The following UBE2E1 variants were observed in gnomAD, a reference collection of about 807,000 sequenced individuals.
UBE2E1 encodes the protein ubiquitin-conjugating enzyme E2 E1.
UBE2E1 carries 6 observed loss-of-function variants against 21.4 expected under a neutral mutation model. That is an observed-to-expected ratio of 0.28 (90% CI 0.15 to 0.55). The LOEUF (loss-of-function observed/expected upper bound fraction) is 0.55, where lower values mean the gene tolerates loss of function less well. Ranked by LOEUF, UBE2E1 falls within the 20% of genes least tolerant of loss-of-function variation. The probability of loss-of-function intolerance (pLI) is 0.93; values close to 1 mark genes in which losing one functional copy is unlikely to be tolerated. For missense variants in UBE2E1, 142 were observed against 236.5 expected (o/e 0.60, Z 2.62); for synonymous variants, 87 against 82.7 (o/e 1.05, Z -0.28).
intron 3 of UBE2E1, among the ~76,000 whole-genome samples, chr3:23,844,170 C>G (rs1700148275): frequency 6.6e-6 from 1 of 152,142 alleles, no homozygotes; most frequent in Non-Finnish European, 1.5e-5. Flanking sequence ...CTCCCCTTCC[C>G]CCAGTAAAGG....
intron 3 of UBE2E1, among the ~76,000 whole-genome samples, chr3:23,864,807 C>T (rs1450709868): frequency 6.6e-6 from 1 of 152,134 alleles, no homozygotes; most frequent in African/African-American, 2.4e-5. Context: ...GCTCATATTC[C>T]CCAGAAGAGA....
chr3:23,888,708 C>CT (rs1225348035), intron 4 of UBE2E1, among the ~76,000 whole-genome samples: 16 of 152,168 alleles, frequency 1.1e-4, no homozygotes, highest in African/African-American at 3.9e-4. Flanking sequence ...GTTTAATTAT[C>CT]TTTATGTACC....
At position 23,810,626 on chromosome 3, in the gene UBE2E1, G is replaced by GT; in HGVS notation, c.153-833dup. 1.7e-6 allele frequency: 2 copies of GT among 1,178,920 alleles called. No homozygotes were observed. The highest frequency in any genetic ancestry group is 2.3e-6 in the Non-Finnish European group (2 of 869,578). The allele number at this position is 1,178,920 out of a possible 1,614,324, so 73.0% of individuals were successfully genotyped here. Reference sequence around the variant, plus strand: ...GCGGGCCGGCCACTTGGGGTCTGTGGTGCCCGAGTGGCGGGCGGGGGTGTT... The same window carrying GT: ...GCGGGCCGGCCACTTGGGGTCTGTGGTTGCCCGAGTGGCGGGCGGGGGTGTT... On this transcript the variant is annotated intron_variant, in intron 2 of 5. Transcript: ENST00000306627. This position sits in a 1 kb window ranked among gnomAD's most constrained non-coding sequence, Gnocchi z 5.8.
Position 23,870,169 on chromosome 3 carries a change from C to T in UBE2E1, c.204-17398C>T, listed in dbSNP as rs1208236244. Among the ~76,000 whole-genome samples, 6 of 152,098 alleles carry T rather than the reference C, an allele frequency of 3.9e-5. No individual in the cohort carries two copies. The highest frequency in any genetic ancestry group is 2.6e-4 in the Admixed American group (4 of 15,270). ...TCATTCTTGATGTGGTCTCTTCACA[C>T]GGTCTCTGCAGTACTAGGCTTCTTA... On this transcript the variant is annotated intron_variant, in intron 3 of 5. Coordinates refer to ENST00000306627, the MANE Select transcript of UBE2E1 (RefSeq NM_003341.5). This position sits in a 1 kb window ranked among gnomAD's most constrained non-coding sequence, Gnocchi z 4.2.
At chr3:23,828,793 A>G (rs960108805) in intron 3 of UBE2E1, among the ~76,000 whole-genome samples, 6 of 152,242 alleles carry the variant, frequency 3.9e-5, no homozygotes, top group African/African-American at 1.4e-4. Flanking sequence ...AATTTTTATC[A>G]TAGTTCAATT....
At chr3:23,883,625 T>C (rs1012020870) in intron 3 of UBE2E1, among the ~76,000 whole-genome samples, 2 of 152,168 alleles carry the variant, frequency 1.3e-5, no homozygotes, top group Admixed American at 6.6e-5. Context: ...TATCTAAAAC[T>C]TGATATTCAG....
chr3:23,839,335 G>A (rs1700036467), intron 3 of UBE2E1, among the ~76,000 whole-genome samples: 1 of 151,898 alleles, frequency 6.6e-6, no homozygotes. Context: ...ATGGTGACAT[G>A]CGCATGTAGT....
At chr3:23,830,257 A>G (rs761801058) in intron 3 of UBE2E1, among the ~76,000 whole-genome samples, 22 of 152,210 alleles carry the variant, frequency 1.4e-4, no homozygotes, top group Admixed American at 4.6e-4. Context: ...AAGAGCATGG[A>G]GTGGATAGAG....
At chr3:23,834,272 C>G (rs1435704318) in intron 3 of UBE2E1, among the ~76,000 whole-genome samples, 3 of 152,180 alleles carry the variant, frequency 2.0e-5, no homozygotes, top group Admixed American at 6.5e-5. Flanking sequence ...TTGGGCAGAT[C>G]ATTTAACCTC....
At chr3:23,851,149 A>G (rs1305391971) in intron 3 of UBE2E1, among the ~76,000 whole-genome samples, 2 of 152,176 alleles carry the variant, frequency 1.3e-5, no homozygotes, top group Non-Finnish European at 2.9e-5. Flanking sequence ...AAAAAAGACT[A>G]TTCTGTCTCC....
At chr3:23,875,581 A>T (rs1270672063) in intron 3 of UBE2E1, among the ~76,000 whole-genome samples, 4 of 152,214 alleles carry the variant, frequency 2.6e-5, no homozygotes, top group Admixed American at 2.6e-4. Flanking sequence ...TGCTAGAGGA[A>T]GACAGTAGGC....
chr3:23,810,749 T>TC lies in UBE2E1; in HGVS notation c.153-707dup. On this transcript the variant is annotated intron_variant, in intron 2 of 5. Coordinates refer to ENST00000306627, the MANE Select transcript of UBE2E1 (RefSeq NM_003341.5). This position sits in a 1 kb window ranked among gnomAD's most constrained non-coding sequence, Gnocchi z 5.8. ...AGCAGCCCCCGTGCGGGCACCCTGT[T>TC]CCCCTCCCCCGCCCGCAACTTCACC... 3.4e-6 allele frequency: 1 copy of TC among 297,562 alleles called. No homozygotes were observed. The highest frequency in any genetic ancestry group is 6.1e-6 in the Non-Finnish European group (1 of 163,324). The allele number at this position is 297,562 out of a possible 1,614,324, so 18.4% of individuals were successfully genotyped here.
At chr3:23,811,163 CTT>C (rs1358134542) in intron 2 of UBE2E1, 1 of 453,088 alleles carries the variant, frequency 2.2e-6, no homozygotes, top group East Asian at 3.4e-5. Flanking sequence ...AAGTGAGAAA[CTT>C]TAAAATTAGG....
At position 23,887,478 on chromosome 3, in the gene UBE2E1, G is replaced by A. The variant is rs1701214791; in HGVS notation, c.204-89G>A. ...AATCCACACAGTAAACAAAAGAGAG[G>A]AGAGAGGTAATCTTTCCATCTCTTT... On this transcript the variant is annotated intron_variant, in intron 3 of 5. Transcript: ENST00000306627. The surrounding 1 kb of genome is among the most constrained non-coding windows in gnomAD (Gnocchi z 4.4). 5.5e-6 allele frequency: 8 copies of A among 1,459,724 alleles called. No homozygotes were observed. Among genetic ancestry groups the A allele is most frequent in the Non-Finnish European group, 6.4e-6 (7 of 1,097,252 alleles). 90.4% of individuals were successfully genotyped at this position (1,459,724 alleles called of 1,614,324 possible).
chr3:23,849,443 A>G (rs1700276482), intron 3 of UBE2E1, among the ~76,000 whole-genome samples: 1 of 152,196 alleles, frequency 6.6e-6, no homozygotes, highest in African/African-American at 2.4e-5. Context: ...GCACCTATCA[A>G]CCTGTCATCT....
chr3:23,884,321 A>T lies in UBE2E1; in HGVS notation c.204-3246A>T, dbSNP rs1701126158. Among the ~76,000 whole-genome samples, 6 of 152,204 alleles carry T rather than the reference A, an allele frequency of 3.9e-5. No homozygotes were observed. In the South Asian group the frequency reaches 1.2e-3, roughly 31 times the overall value. ...GACAAACTGTAAAATGTTCAAACTT[A>T]TGCTCCTAACTGGTTGTCCCACTAG... On this transcript the variant is annotated intron_variant, in intron 3 of 5. Transcript: ENST00000306627.
intron 3 of UBE2E1, among the ~76,000 whole-genome samples, chr3:23,839,660 T>C (rs942856250): frequency 6.6e-6 from 1 of 152,060 alleles, no homozygotes; most frequent in African/African-American, 2.4e-5. Context: ...TGTTTTATTA[T>C]GTCTGAAAAA....
In UBE2E1 at chr3:23,848,058, G is replaced by C. The variant is rs182453845; in HGVS notation, c.203+36548G>C. ...TCTGTACCTTGGTTTTTTAACTTCA[G>C]ATATCTTGGACTTTCCCCAGTGTTT... On this transcript the variant is annotated intron_variant, in intron 3 of 5. Transcript: ENST00000306627. Among the ~76,000 whole-genome samples, 850 of 152,214 alleles carry C rather than the reference G, an allele frequency of 5.6e-3. 6 individuals carry two copies. The highest frequency in any genetic ancestry group is 7.1e-3 in the Non-Finnish European group (480 of 68,028).
intron 3 of UBE2E1, among the ~76,000 whole-genome samples, chr3:23,875,962 G>A (rs1278151729): frequency 2.6e-5 from 4 of 152,180 alleles, no homozygotes; most frequent in Non-Finnish European, 5.9e-5. Context: ...TAGTAGAGAC[G>A]GGGTTTCACT....
Sources: allele counts gnomAD v4.1 joint callset (sites outside exome capture counted in the v4.1 genomes callset), GRCh38; gene constraint gnomAD v4.1.1; non-coding constraint Gnocchi (gnomAD v3.1); transcripts MANE v1.5; gene names NCBI Gene and HGNC (gene_info 2026-07-23, HGNC 2026-07-21).